The following BCL2L14 variants were observed in gnomAD, a reference collection of about 807,000 sequenced individuals.
The protein encoded by BCL2L14 is apoptosis facilitator Bcl-2-like protein 14.
A neutral mutation model predicts 35.3 loss-of-function variants in BCL2L14; 27 were observed. The observed-to-expected ratio is 0.76, with a 90% CI of 0.56 to 1.05. The LOEUF is 1.05. Among genes scored for constraint, BCL2L14 ranks in the 50% least tolerant of loss-of-function variants. The pLI is 0.00. For synonymous variants in BCL2L14, 139 were observed against 145.9 expected, an observed-to-expected ratio of 0.95 and a Z score of 0.34; for missense variants, 377 against 382.6, an observed-to-expected ratio of 0.99 and a Z score of 0.12.
chr12:12,059,153 C>A (rs540559312), intron 2 of BCL2L14, among the ~76,000 whole-genome samples: 53 of 152,306 alleles, frequency 3.5e-4, no homozygotes, highest in African/African-American at 1.2e-3. Context: ...ATTGCAAGGA[C>A]ACCTCTCTGA....
intron 5 of BCL2L14, 67 bp from the exon 6 acceptor site, chr12:12,098,883 A>G: frequency 2.7e-6 from 3 of 1,129,314 alleles, no homozygotes; most frequent in African/African-American, 1.5e-5. Flanking sequence ...CAGAGTTAGC[A>G]GCCATATGTT....
chr12:12,087,360 T>C lies in BCL2L14; in HGVS notation c.581T>C (p.Val194Ala), dbSNP rs375463687. ...CTCTCCTTCCAGCTCCAAGGCCACG[T>C]GCCTGTAGCTTCAAGTTCTAAGAAA... The part of the protein sequence containing the change: ...EGLSFQLQGH[V>A]PVASSSKKDE... Residue 194 changes from valine (V) to alanine (A), a missense_variant, in exon 3 of 6, where the codon GTG (valine) becomes GCG (alanine). By Grantham distance (64) the Val-to-Ala change is moderately conservative (BLOSUM62 0). Coordinates refer to ENST00000308721, the MANE Select transcript of BCL2L14 (RefSeq NM_138723.2). 76 of 1,614,092 alleles carry C rather than the reference T, an allele frequency of 4.7e-5. No individual in the cohort carries two copies. Among genetic ancestry groups the C allele is most frequent in the Non-Finnish European group, 5.5e-5 (65 of 1,180,038 alleles).
rs186443025 is a variant in BCL2L14, at chr12:12,091,386, T to C, written c.678+537T>C. Among the ~76,000 whole-genome samples, 39 of 152,336 alleles carry C rather than the reference T, an allele frequency of 2.6e-4. No homozygotes were observed. In the East Asian group the frequency reaches 3.7e-3, roughly 14 times the overall value. On this transcript the variant is annotated intron_variant, in intron 4 of 5. Transcript: ENST00000308721. ...CCTGCCATTTGGAAGTTGAGACCCA[T>C]CTTTCCAATCAGGAACGGGTGAGAG... is the stretch of plus-strand genomic sequence containing the variant.
intron 2 of BCL2L14, among the ~76,000 whole-genome samples, chr12:12,058,263 T>A (rs1419767929): frequency 6.6e-6 from 1 of 151,228 alleles, no homozygotes. Context: ...CTTTTTTTTT[T>A]CTTTTTTTTG....
chr12:12,065,068 G>A (rs1948578146), intron 2 of BCL2L14, among the ~76,000 whole-genome samples: 1 of 151,930 alleles, frequency 6.6e-6, no homozygotes, highest in Admixed American at 6.6e-5. Flanking sequence ...TTTTTGGCTG[G>A]GGCCCTGCAA....
At chr12:12,052,583 T>C (rs551620582) in intron 2 of BCL2L14, among the ~76,000 whole-genome samples, 1 of 152,390 alleles carries the variant, frequency 6.6e-6, no homozygotes, top group South Asian at 2.1e-4. Context: ...TAGTATTCTA[T>C]TGTGCATATA....
intron 2 of BCL2L14, among the ~76,000 whole-genome samples, chr12:12,056,055 A>G (rs1202282811): frequency 6.6e-6 from 1 of 152,026 alleles, no homozygotes; most frequent in East Asian, 1.9e-4. Flanking sequence ...CACTAGGTCA[A>G]CTTAGCCAGA....
intron 1 of BCL2L14, among the ~76,000 whole-genome samples, chr12:12,050,890 G>A (rs935740174): frequency 4.6e-5 from 7 of 151,544 alleles, no homozygotes; most frequent in Non-Finnish European, 8.8e-5. Flanking sequence ...AATTTGTGTT[G>A]AGCCACATTC....
chr12:12,052,585 G>A (rs776822678), intron 2 of BCL2L14, among the ~76,000 whole-genome samples: 2 of 152,190 alleles, frequency 1.3e-5, no homozygotes, highest in Non-Finnish European at 2.9e-5. Context: ...GTATTCTATT[G>A]TGCATATATA....
intron 2 of BCL2L14, among the ~76,000 whole-genome samples, chr12:12,064,069 C>T (rs562415963): frequency 4.4e-4 from 67 of 152,292 alleles, no homozygotes; most frequent in African/African-American, 1.5e-3. Flanking sequence ...CATGGACATG[C>T]ATGAAACTGA....
intron 3 of BCL2L14, among the ~76,000 whole-genome samples, chr12:12,087,638 G>A (rs1462341337): frequency 6.6e-6 from 1 of 152,248 alleles, no homozygotes; most frequent in Non-Finnish European, 1.5e-5. Flanking sequence ...AGAGGGAGAG[G>A]AGGAAACACA....
intron 3 of BCL2L14, among the ~76,000 whole-genome samples, chr12:12,088,842 G>C (rs953557968): frequency 1.3e-5 from 2 of 152,110 alleles, no homozygotes; most frequent in Non-Finnish European, 2.9e-5. Context: ...TCAGGGGACC[G>C]TGTGAAGAGC....
At chr12:12,081,053 G>A (rs1948911388) in intron 2 of BCL2L14, among the ~76,000 whole-genome samples, 1 of 152,066 alleles carries the variant, frequency 6.6e-6, no homozygotes, top group Non-Finnish European at 1.5e-5. Context: ...CAGACATGGT[G>A]GTGCACGCCT....
At chr12:12,061,553 T>C (rs1011870003) in intron 2 of BCL2L14, among the ~76,000 whole-genome samples, 2 of 152,026 alleles carry the variant, frequency 1.3e-5, no homozygotes, top group African/African-American at 4.8e-5. Context: ...TTGTTTTGCC[T>C]ATCCACCCCG....
intron 2 of BCL2L14, among the ~76,000 whole-genome samples, chr12:12,054,218 A>G (rs1194789320): frequency 6.6e-6 from 1 of 152,142 alleles, no homozygotes; most frequent in Non-Finnish European, 1.5e-5. Flanking sequence ...AAATCCAATT[A>G]GGGGCTGGGC....
In BCL2L14 at chr12:12,073,913, C is replaced by T. The variant is rs74381432; in HGVS notation, c.-8+2776C>T. On this transcript the variant is annotated intron_variant, in intron 1 of 5. Transcript: ENST00000308721. Reference sequence around the variant, plus strand: ...TGCCGCACCTAATTCTGACCTCACCCTGCTTGGTGGCCCGCTTTGCCTGCT... The same window carrying T: ...TGCCGCACCTAATTCTGACCTCACCTTGCTTGGTGGCCCGCTTTGCCTGCT... Among the ~76,000 whole-genome samples the T allele has an allele frequency of 9.8e-5, 15 of 152,294 alleles. No homozygotes were observed. The East Asian group carries it at 2.9e-3, about 29-fold the overall frequency.
chr12:12,050,066 T>C (rs1948324848), intron 1 of BCL2L14: 2 of 151,840 alleles, frequency 1.3e-5, no homozygotes, highest in African/African-American at 2.4e-5. Context: ...AGACAATCCG[T>C]TTATCAGGCT....
chr12:12,087,527 G>C, intron 3 of BCL2L14, 141 bp downstream of exon 3: 1 of 958,530 alleles, frequency 1.0e-6, no homozygotes, highest in East Asian at 2.6e-5. Context: ...TGTGGGCAAT[G>C]AGCTCCAGCT....
intron 2 of BCL2L14, among the ~76,000 whole-genome samples, chr12:12,062,178 C>T (rs1264137919): frequency 6.6e-6 from 1 of 151,590 alleles, no homozygotes; most frequent in Admixed American, 6.6e-5. Flanking sequence ...GCTCCTTCAG[C>T]TGTACTCACT....
Sources: gnomAD v4.1 joint callset for allele counts (sites outside exome capture counted in the v4.1 genomes callset) on GRCh38, gnomAD v4.1.1 for gene constraint, MANE v1.5 for transcripts, NCBI Gene and HGNC (gene_info 2026-07-23, HGNC 2026-07-21) for gene names.